Variants in BCAS3 observed in about 807,000 individuals in gnomAD.
The protein encoded by BCAS3 is BCAS4/BCAS3 fusion.
A neutral mutation model predicts 116.1 loss-of-function variants in BCAS3; 53 were observed. The ratio of observed to expected loss-of-function variants is 0.46; its 90% confidence interval spans 0.37 to 0.57. The LOEUF (loss-of-function observed/expected upper bound fraction) is 0.57, where lower values mean the gene tolerates loss of function less well. BCAS3 is among the 20% of genes least tolerant of loss of function. BCAS3 has a pLI of 0.00. For synonymous variants in BCAS3, 391 were observed against 408.2 expected (o/e 0.96, Z 0.51); for missense variants, 917 against 1,165.4 (o/e 0.79, Z 3.10).
intron 22 of BCAS3, among the ~76,000 whole-genome samples, chr17:61,166,712 T>G (rs1473499620): frequency 6.6e-6 from 1 of 151,930 alleles, no homozygotes; most frequent in Non-Finnish European, 1.5e-5. Flanking sequence ...CTTTTTATTA[T>G]TTTTTAGTTT....
Position 60,746,141 on chromosome 17 carries a change from T to C in BCAS3, c.322-1057T>C, listed in dbSNP as rs2041996166. Among the ~76,000 whole-genome samples the C allele has an allele frequency of 2.0e-5, 3 of 152,166 alleles. No homozygotes were observed. In the South Asian group the frequency reaches 6.2e-4, roughly 31 times the overall value. On this transcript the variant is annotated intron_variant, in intron 5 of 23. Coordinates refer to ENST00000407086, the MANE Select transcript of BCAS3 (RefSeq NM_017679.5). Reference sequence around the variant, plus strand: ...TTGTAAGTTCTTTTGTATCTTGAACTAGTTTTATAATGTTTGCCATTTTCT... The same window carrying C: ...TTGTAAGTTCTTTTGTATCTTGAACCAGTTTTATAATGTTTGCCATTTTCT...
At chr17:60,765,447 T>G (rs929170187) in intron 6 of BCAS3, among the ~76,000 whole-genome samples, 6 of 152,206 alleles carry the variant, frequency 3.9e-5, no homozygotes, top group African/African-American at 4.8e-5. Context: ...CCTTCACTTA[T>G]GAAGCTTAGT....
chr17:60,838,656 C>T (rs777357963), intron 7 of BCAS3, among the ~76,000 whole-genome samples: 5 of 152,088 alleles, frequency 3.3e-5, no homozygotes, highest in East Asian at 1.9e-4. Flanking sequence ...TGAATAGGTT[C>T]GGCTGTGTTT....
At chr17:61,040,979 C>A in intron 19 of BCAS3, 87 bp downstream of exon 19, 1 of 1,129,286 alleles carries the variant, frequency 8.9e-7, no homozygotes, top group Non-Finnish European at 1.3e-6. Flanking sequence ...AACATTACCA[C>A]TGGTCCATAG....
chr17:60,976,500 A>C (rs1030832574), intron 14 of BCAS3, among the ~76,000 whole-genome samples: 1 of 151,802 alleles, frequency 6.6e-6, no homozygotes, highest in Admixed American at 6.6e-5. Flanking sequence ...GGGATTTGGC[A>C]GGGTCATAGG....
chr17:61,270,673 T>C (rs1044965436), intron 22 of BCAS3, among the ~76,000 whole-genome samples: 9 of 152,218 alleles, frequency 5.9e-5, no homozygotes, highest in Admixed American at 5.9e-4. Flanking sequence ...TAAATCCAAA[T>C]GTAATGAAAC....
chr17:61,262,571 A>G (rs1401915405), intron 22 of BCAS3, among the ~76,000 whole-genome samples: 2 of 151,716 alleles, frequency 1.3e-5, no homozygotes, highest in African/African-American at 2.4e-5. Context: ...AGTAGAGGTG[A>G]GGTTTCGCCA....
rs1249482199 is a variant in BCAS3, at chr17:61,077,742, G to T, written c.2131-591G>T. On this transcript the variant is annotated intron_variant, in intron 20 of 23. Coordinates refer to ENST00000407086, the MANE Select transcript of BCAS3 (RefSeq NM_017679.5). This position sits in a 1 kb window ranked among gnomAD's most constrained non-coding sequence, Gnocchi z 4.3. ...ATAATAATGTTTTCATTTAAAAGTG[G>T]ATTGGGGTAATATTAGGGCAGTATA... Among the ~76,000 whole-genome samples the T allele has an allele frequency of 5.9e-5, 9 of 152,146 alleles. No homozygotes were observed. The highest frequency in any genetic ancestry group is 4.4e-5 in the Non-Finnish European group (3 of 68,020).
intron 22 of BCAS3, among the ~76,000 whole-genome samples, chr17:61,103,502 C>G (rs1471708587): frequency 6.6e-6 from 1 of 152,150 alleles, no homozygotes; most frequent in Non-Finnish European, 1.5e-5. Context: ...AAAAGAACCT[C>G]AAAATACTGC....
In BCAS3 at chr17:61,019,001, G is replaced by A. The variant is rs1225773510; in HGVS notation, c.1637+3100G>A. 2.0e-5 allele frequency among the ~76,000 whole-genome samples: 3 copies of A among 152,036 alleles called. No individual in the cohort carries two copies. The highest frequency in any genetic ancestry group is 7.3e-5 in the African/African-American group (3 of 41,368). ...CCTATTAATATAGAGTACAGTGACTGATAAGACTTTGATGATAGTGGTCAG... is the reference window on the plus strand; with the variant it reads ...CCTATTAATATAGAGTACAGTGACTAATAAGACTTTGATGATAGTGGTCAG... On this transcript the variant is annotated intron_variant, in intron 16 of 23. Transcript: ENST00000407086. The surrounding 1 kb of genome is among the most constrained non-coding windows in gnomAD (Gnocchi z 5.6).
intron 4 of BCAS3, among the ~76,000 whole-genome samples, chr17:60,704,156 C>T (rs1045169953): frequency 6.6e-6 from 1 of 151,964 alleles, no homozygotes; most frequent in South Asian, 2.1e-4. Flanking sequence ...AGGGGAGTTC[C>T]CAGATACCAT....
intron 5 of BCAS3, among the ~76,000 whole-genome samples, chr17:60,725,835 G>GT (rs35087520): frequency 0.032 from 4,865 of 151,250 alleles, 253 homozygotes; most frequent in African/African-American, 0.11. Context: ...CTGGGGGAGG[G>GT]TTTTTTTTTC....
chr17:60,691,089 C>T (rs373797723), intron 4 of BCAS3, among the ~76,000 whole-genome samples: 1 of 151,958 alleles, frequency 6.6e-6, no homozygotes, highest in Non-Finnish European at 1.5e-5. Context: ...CTCGCCATCA[C>T]GCCCAGCTAA....
intron 7 of BCAS3, chr17:60,811,021 T>G: frequency 1.5e-6 from 1 of 657,950 alleles, no homozygotes; most frequent in Admixed American, 1.9e-5. Context: ...CACCATGCAG[T>G]CTGCCGAGGT....
Position 61,152,668 on chromosome 17 carries a change from T to C in BCAS3, c.2425+68104T>C, listed in dbSNP as rs558037405. Among the ~76,000 whole-genome samples the C allele has an allele frequency of 2.0e-5, 3 of 152,242 alleles. No homozygotes were observed. In the South Asian group the frequency reaches 6.2e-4, roughly 32 times the overall value. ...TGATCCAGTTCTAAGTTTCAATCTTTTTATTATTAATATTATTGTAAAGAT... is the reference window on the plus strand; with the variant it reads ...TGATCCAGTTCTAAGTTTCAATCTTCTTATTATTAATATTATTGTAAAGAT... On this transcript the variant is annotated intron_variant, in intron 22 of 23. Coordinates refer to ENST00000407086, the MANE Select transcript of BCAS3 (RefSeq NM_017679.5).
chr17:60,921,360 C>T (rs964495461), intron 12 of BCAS3, among the ~76,000 whole-genome samples: 2 of 152,152 alleles, frequency 1.3e-5, no homozygotes, highest in African/African-American at 2.4e-5. Flanking sequence ...TAAACATTGA[C>T]CACACCACGT....
intron 7 of BCAS3, among the ~76,000 whole-genome samples, chr17:60,818,043 T>G (rs1165296467): frequency 1.3e-5 from 2 of 151,880 alleles, no homozygotes; most frequent in African/African-American, 4.8e-5. Flanking sequence ...TTAGTAGAGA[T>G]AGGGTTTCCC....
At position 61,368,221 on chromosome 17, in the gene BCAS3, G is replaced by A; in HGVS notation, c.2426-106G>A. The A allele has an allele frequency of 1.6e-6, 2 of 1,261,736 alleles. No homozygotes were observed. The highest frequency in any genetic ancestry group is 1.5e-5 in the South Asian group (1 of 64,994). 78.2% of individuals were successfully genotyped at this position (1,261,736 alleles called of 1,614,324 possible). A position where few individuals can be genotyped will look rare whatever the true frequency, so the allele number is the denominator to read the frequency against. ...CGGCGTGCTTCCATCCTACAGGAAG[G>A]CTACAATGGACCCTGGGTATGGAGA... On this transcript the variant is annotated intron_variant, in intron 22 of 23. Transcript: ENST00000407086. The surrounding 1 kb of genome is among the most constrained non-coding windows in gnomAD (Gnocchi z 6.0).
intron 22 of BCAS3, among the ~76,000 whole-genome samples, chr17:61,322,822 G>GAGAC (rs2055368023): frequency 2.4e-5 from 3 of 125,270 alleles, no homozygotes; most frequent in African/African-American, 6.6e-5. Flanking sequence ...GAGAGAGAGA[G>GAGAC]AGAGAGACAG....
Sources: allele counts gnomAD v4.1 joint callset (sites outside exome capture counted in the v4.1 genomes callset), GRCh38; gene constraint gnomAD v4.1.1; non-coding constraint Gnocchi (gnomAD v3.1); transcripts MANE v1.5; gene names NCBI Gene and HGNC (gene_info 2026-07-23, HGNC 2026-07-21).